NDRG4: variants seen among roughly 807,000 people sequenced by gnomAD.
NDRG4 encodes protein NDRG4.
NDRG4 carries 38 observed loss-of-function variants against 55.8 expected under a neutral mutation model. The ratio of observed to expected loss-of-function variants is 0.68; its 90% CI spans 0.53 to 0.89. The LOEUF is 0.89. Among genes scored for constraint, NDRG4 ranks in the 40% least tolerant of loss-of-function variants. NDRG4 has a pLI of 0.00. For missense variants in NDRG4, 455 were observed against 468.6 expected (o/e 0.97, Z 0.27); for synonymous variants, 190 against 182.7 (o/e 1.04, Z -0.32).
At chr16:58,467,465 C>G (rs1009252726) in intron 1 of NDRG4, among the ~76,000 whole-genome samples, 1 of 152,172 alleles carries the variant, frequency 6.6e-6, no homozygotes, top group African/African-American at 2.4e-5. Context: ...CAAGATTGCA[C>G]CACTGCAGTC....
intron 1 of NDRG4, among the ~76,000 whole-genome samples, chr16:58,483,712 A>T (rs973482369): frequency 6.6e-6 from 1 of 152,262 alleles, no homozygotes; most frequent in Non-Finnish European, 1.5e-5. Flanking sequence ...GGCAAGGAAC[A>T]CACTGATCAC....
intron 1 of NDRG4, among the ~76,000 whole-genome samples, chr16:58,484,883 C>CTTTTTTT (rs572251728): frequency 7.5e-6 from 1 of 133,906 alleles, no homozygotes; most frequent in African/African-American, 2.8e-5. Context: ...TCATAACTTA[C>CTTTTTTT]TTTTTTTTTT....
At chr16:58,465,993 G>A (rs1343858395) in intron 1 of NDRG4, among the ~76,000 whole-genome samples, 1 of 152,204 alleles carries the variant, frequency 6.6e-6, no homozygotes, top group Non-Finnish European at 1.5e-5. Flanking sequence ...CTGGAGGGAA[G>A]GCTTGCGGTT....
intron 1 of NDRG4, chr16:58,501,827 G>T: frequency 2.7e-6 from 1 of 369,946 alleles, no homozygotes; most frequent in Admixed American, 3.0e-5. Flanking sequence ...CTCAGCAGCA[G>T]AGAGCAGACA....
chr16:58,514,586 C>CA (rs1387412688), downstream of NDRG4, among the ~76,000 whole-genome samples: 1 of 151,758 alleles, frequency 6.6e-6, no homozygotes, highest in East Asian at 1.9e-4. Context: ...AAAATAAACA[C>CA]AAAAAATTAG....
chr16:58,508,837 C>A, intron 10 of NDRG4, 125 bp from the exon 11 acceptor site: 1 of 1,002,374 alleles, frequency 1.0e-6, no homozygotes, highest in South Asian at 1.5e-5. Context: ...CCTGTCACAG[C>A]TGCTGGGCCT....
upstream of NDRG4, chr16:58,499,891 T>A: frequency 2.3e-6 from 1 of 426,434 alleles, no homozygotes. Context: ...GGCGTGTGCC[T>A]ATGTGCTGGG....
At chr16:58,502,161 C>G in intron 1 of NDRG4, 1 of 388,626 alleles carries the variant, frequency 2.6e-6, no homozygotes, top group South Asian at 1.8e-5. Context: ...AGTCATTTCC[C>G]TTTCCTAGCC....
chr16:58,499,419 G>T (rs1257246476), upstream of NDRG4: 1 of 152,530 alleles, frequency 6.6e-6, no homozygotes, highest in African/African-American at 2.4e-5. Context: ...CCATACCCCT[G>T]GCCCTGCTAT....
chr16:58,464,362 T>C lies in NDRG4; in HGVS notation c.-24+565T>C. 7.5e-7 allele frequency: 1 copy of C among 1,327,378 alleles called. No individual in the cohort carries two copies. Among genetic ancestry groups the C allele is most frequent in the South Asian group, 1.9e-5 (1 of 53,998 alleles). 82.2% of individuals were successfully genotyped at this position (1,327,378 alleles called of 1,614,324 possible). A position where few individuals can be genotyped will look rare whatever the true frequency, so the allele number is the denominator to read the frequency against. ...CTCCGCTCCGGGTCTCCCGCGCTCCTCTCCCCGGCTCGGCCGAGCGCGCTG... is the reference window on the plus strand; with the variant it reads ...CTCCGCTCCGGGTCTCCCGCGCTCCCCTCCCCGGCTCGGCCGAGCGCGCTG... On this transcript the variant is annotated intron_variant, in intron 1 of 15. Coordinates refer to the NDRG4 transcript ENST00000258187. This position sits in a 1 kb window ranked among gnomAD's most constrained non-coding sequence, Gnocchi z 4.8.
chr16:58,504,428 C>G lies in NDRG4; in HGVS notation c.311+7C>G, dbSNP rs1258928561. 1 of 1,612,172 alleles carries G rather than the reference C, an allele frequency of 6.2e-7. No homozygotes were observed. The highest frequency in any genetic ancestry group is 8.5e-7 in the Non-Finnish European group (1 of 1,180,000). On this transcript the variant is annotated splice_region_variant and intron_variant, in intron 4 of 14. Coordinates refer to ENST00000570248, the MANE Select transcript of NDRG4 (RefSeq NM_001242835.2). Reference sequence around the variant, plus strand: ...GCGTGGTGCAGCATTTCGGGTGAGTCCCCGCACAGCCCCTGCGCTAGGGCC... The same window carrying G: ...GCGTGGTGCAGCATTTCGGGTGAGTGCCCGCACAGCCCCTGCGCTAGGGCC...
At position 58,480,823 on chromosome 16, in the gene NDRG4, C is replaced by T. The variant is rs145448068; in HGVS notation, c.-23-6933C>T. ...GATGATAGAGTCCCAGCCTGGCCAA[C>T]ATGGTGAAACCCCATTACTACTAAA... On this transcript the variant is annotated intron_variant, in intron 1 of 15. Coordinates refer to the NDRG4 transcript ENST00000258187. Among the ~76,000 whole-genome samples, 870 of 152,210 alleles carry T rather than the reference C, an allele frequency of 5.7e-3. 4 individuals are homozygous for T. The highest frequency in any genetic ancestry group is 8.9e-3 in the Non-Finnish European group (602 of 68,014).
chr16:58,504,049 G>T lies in NDRG4; in HGVS notation c.128-105G>T, dbSNP rs145771163. Reference sequence around the variant, plus strand: ...CCCTCCGGGCCTCCATTTCCCCGACGGACCCGAGGCTTACACTTCTGCCTT... The same window carrying T: ...CCCTCCGGGCCTCCATTTCCCCGACTGACCCGAGGCTTACACTTCTGCCTT... On this transcript the variant is annotated intron_variant, in intron 2 of 14. Transcript: ENST00000570248. 4.0e-5 allele frequency: 63 copies of T among 1,584,806 alleles called. No individual in the cohort carries two copies. The East Asian group carries it at 4.5e-4, about 11-fold the overall frequency.
At chr16:58,514,083 T>C (rs2039045200), downstream of NDRG4, among the ~76,000 whole-genome samples, 1 of 152,252 alleles carries the variant, frequency 6.6e-6, no homozygotes, top group Non-Finnish European at 1.5e-5. Flanking sequence ...AATGACCTAC[T>C]CTTTGCCTTC....
At chr16:58,506,659 C>T (rs1383611628) in intron 7 of NDRG4, 45 bp downstream of exon 7, 1 of 1,542,228 alleles carries the variant, frequency 6.5e-7, no homozygotes, top group Non-Finnish European at 8.8e-7. Flanking sequence ...CTGGGATTTG[C>T]CCCTCCCAGC....
At chr16:58,472,872 G>T (rs987007174) in intron 1 of NDRG4, among the ~76,000 whole-genome samples, 3 of 152,026 alleles carry the variant, frequency 2.0e-5, no homozygotes, top group African/African-American at 7.2e-5. Flanking sequence ...CCGGGCCCAG[G>T]GCTCGGTCCA....
intron 1 of NDRG4, chr16:58,487,621 G>A (rs2151680744): frequency 1.7e-6 from 1 of 602,392 alleles, no homozygotes; most frequent in Non-Finnish European, 2.8e-6. Context: ...CTAAGTGCCT[G>A]AGTGGGCTGC....
upstream of NDRG4, chr16:58,500,007 G>C: frequency 8.9e-7 from 1 of 1,125,762 alleles, no homozygotes; most frequent in Non-Finnish European, 1.2e-6. Context: ...TTGGAGCCAG[G>C]CTTGTCTCCC....
At chr16:58,491,549 C>T (rs2035791864) in intron 2 of NDRG4, among the ~76,000 whole-genome samples, 1 of 152,118 alleles carries the variant, frequency 6.6e-6, no homozygotes, top group Non-Finnish European at 1.5e-5. Context: ...CAACCTCCGC[C>T]TCCCCAATTC....
Sources: gnomAD v4.1 joint callset for allele counts (sites outside exome capture counted in the v4.1 genomes callset) on GRCh38, gnomAD v4.1.1 for gene constraint, Gnocchi (gnomAD v3.1) non-coding constraint, MANE v1.5 for transcripts, NCBI Gene and HGNC (gene_info 2026-07-23, HGNC 2026-07-21) for gene names.